MED21: variants seen among roughly 807,000 people sequenced by gnomAD.
The protein encoded by MED21 is mediator of RNA polymerase II transcription subunit 21.
MED21 carries 9 observed loss-of-function variants against 18.2 expected under a neutral mutation model. The observed-to-expected ratio is 0.49, with a 90% confidence interval of 0.30 to 0.86. The LOEUF is 0.86. Ranked by LOEUF, MED21 falls within the 40% of genes least tolerant of loss-of-function variation. The pLI is 0.07. For missense variants in MED21, 150 were observed against 170.9 expected (o/e 0.88, Z 0.68); for synonymous variants, 73 against 60.5 (o/e 1.21, Z -0.96).
intron 2 of MED21, among the ~76,000 whole-genome samples, chr12:27,035,887 C>T (rs925783452): frequency 6.6e-5 from 10 of 151,640 alleles, no homozygotes; most frequent in South Asian, 2.1e-4. Context: ...TGAATAGTGC[C>T]GCAATAGACA....
intron 1 of MED21, among the ~76,000 whole-genome samples, chr12:27,023,489 G>T (rs1941504094): frequency 6.6e-6 from 1 of 151,714 alleles, no homozygotes; most frequent in Non-Finnish European, 1.5e-5. Context: ...TAGAGACGGG[G>T]TTTCACCATG....
At chr12:27,034,049 A>C (rs1345109110), downstream of MED21, among the ~76,000 whole-genome samples, 1 of 152,210 alleles carries the variant, frequency 6.6e-6, no homozygotes, top group Non-Finnish European at 1.5e-5. Flanking sequence ...AAGAGTTTTG[A>C]CTATTGATTG....
intron 2 of MED21, chr12:27,038,515 A>T (rs1325679040): frequency 6.6e-6 from 1 of 152,176 alleles, no homozygotes; most frequent in African/African-American, 2.4e-5. Flanking sequence ...CTAAGATTCC[A>T]ATTGGGATTT....
Position 27,037,348 on chromosome 12 carries a change from A to G in MED21, n.147-8806A>G, listed in dbSNP as rs888890743. ...GCTTAAGGAGATTTTGGGCTGAGAC[A>G]ATGGGGTTTTCTATACATACAGTCA... On this transcript the variant is annotated intron_variant and non_coding_transcript_variant, in intron 2 of 4. Coordinates refer to the MED21 transcript ENST00000538186. The G allele has an allele frequency of 3.6e-3, 543 of 151,894 alleles. 2 individuals carry two copies. Among genetic ancestry groups the G allele is most frequent in the African/African-American group, 0.012 (499 of 41,372 alleles). The allele number at this position is 151,894 out of a possible 1,614,324, so 9.4% of individuals were successfully genotyped here. A position where few individuals can be genotyped will look rare whatever the true frequency, so the allele number is the denominator to read the frequency against.
At chr12:27,031,599 G>A (rs540285864), downstream of MED21, among the ~76,000 whole-genome samples, 7 of 151,836 alleles carry the variant, frequency 4.6e-5, no homozygotes, top group East Asian at 1.4e-3. Flanking sequence ...TCAGATCAGA[G>A]AACAAATTCC....
chr12:27,027,788 G>T lies in MED21; in HGVS notation c.258+341G>T, dbSNP rs116735373. The stretch of plus-strand genomic sequence containing the variant: ...TCTTCAACCTCAAGCCATATTTTAA[G>T]GGTACTAATTCCATCTATGAGATCT... On this transcript the variant is annotated intron_variant, in intron 3 of 3. Transcript: ENST00000282892. 1.5e-3 allele frequency among the ~76,000 whole-genome samples: 223 copies of T among 152,248 alleles called. 1 individual carries two copies. The highest frequency in any genetic ancestry group is 4.7e-3 in the African/African-American group (195 of 41,548).
At chr12:27,022,879 C>T (rs573736811) in intron 1 of MED21, 2 of 1,403,608 alleles carry the variant, frequency 1.4e-6, no homozygotes, top group East Asian at 3.1e-5. Flanking sequence ...CGGGTGAGGC[C>T]GCCAGGACTT....
At chr12:27,034,302 A>G (rs1335105658), downstream of MED21, among the ~76,000 whole-genome samples, 2 of 152,032 alleles carry the variant, frequency 1.3e-5, no homozygotes, top group Non-Finnish European at 2.9e-5. Context: ...CTGTAATCCA[A>G]TCCCAGCTAC....
downstream of MED21, among the ~76,000 whole-genome samples, chr12:27,034,141 C>T (rs928346581): frequency 3.3e-5 from 5 of 152,270 alleles, no homozygotes; most frequent in Non-Finnish European, 7.4e-5. Flanking sequence ...ATTTGGCTAA[C>T]GCAGTGACTC....
chr12:27,037,369 A>C (rs544667122), intron 2 of MED21: 7 of 151,794 alleles, frequency 4.6e-5, no homozygotes, highest in Admixed American at 3.9e-4. Context: ...CTATACATAC[A>C]GTCATGTCGT....
chr12:27,026,506 C>A lies in MED21; in HGVS notation c.129C>A (p.Asn43Lys). The change falls in exon 2 of 4, where the codon AAC becomes AAA. Residue 43 changes from asparagine to lysine, a missense_variant. Physicochemically the swap from Asn to Lys is moderately conservative, Grantham distance 94. Transcript: ENST00000282892. ...TCAATAATATTCAGACAGCAATTAA[C>A]AAAGACCAGCCAGCTAACCCTACAG... ...ASFNNIQTAI[N>K]KDQPANPTEE... 1 of 1,613,660 alleles carries A rather than the reference C, an allele frequency of 6.2e-7. No homozygotes were observed. The highest frequency in any genetic ancestry group is 8.5e-7 in the Non-Finnish European group (1 of 1,179,676).
chr12:27,030,138 C>A lies in MED21; in HGVS notation c.*1677C>A, dbSNP rs903142629. 1 of 638,376 alleles carries A rather than the reference C, an allele frequency of 1.6e-6. No homozygotes were observed. The highest frequency in any genetic ancestry group is 2.4e-5 in the Admixed American group (1 of 41,902). 39.5% of individuals were successfully genotyped at this position (638,376 alleles called of 1,614,324 possible). A position where few individuals can be genotyped will look rare whatever the true frequency, so the allele number is the denominator to read the frequency against. The stretch of plus-strand genomic sequence containing the variant: ...GGATATACAGTTTTTTTTTGTTGTT[C>A]TTGTTTCTGTTTTTTTAAGGTGAAG... On this transcript the variant is annotated 3_prime_UTR_variant, in exon 4 of 4. Coordinates refer to ENST00000282892, the MANE Select transcript of MED21 (RefSeq NM_004264.5).
chr12:27,023,300 CTTT>C lies in MED21; in HGVS notation c.42+694_42+696del, dbSNP rs71437317. On this transcript the variant is annotated intron_variant, in intron 1 of 3. Transcript: ENST00000282892. ...CGCTTATTTGAGTCTTTTTTCTTTT[CTTT>C]TTTTTTTTTTTTTTACTTTGGAGAC... is the stretch of plus-strand genomic sequence containing the variant. 1.4e-4 allele frequency among the ~76,000 whole-genome samples: 15 copies of C among 110,404 alleles called. No individual in the cohort carries two copies. The East Asian group carries it at 1.9e-3, about 14-fold the overall frequency. 72.4% of individuals were successfully genotyped at this position (110,404 alleles called of 152,430 possible). A position where few individuals can be genotyped will look rare whatever the true frequency, so the allele number is the denominator to read the frequency against.
At chr12:27,024,711 T>C (rs1941520865) in intron 1 of MED21, among the ~76,000 whole-genome samples, 1 of 152,222 alleles carries the variant, frequency 6.6e-6, no homozygotes, top group Admixed American at 6.5e-5. Context: ...GGATAACTAG[T>C]ATGAGTGCCT....
In MED21 at chr12:27,030,147, G is replaced by T. The variant is rs565621305; in HGVS notation, c.*1686G>T. 590 of 655,146 alleles carry T rather than the reference G, an allele frequency of 9.0e-4. 4 individuals are homozygous for T. The African/African-American group carries it at 9.4e-3, about 10-fold the overall frequency. 40.6% of individuals were successfully genotyped at this position (655,146 alleles called of 1,614,324 possible). On this transcript the variant is annotated 3_prime_UTR_variant, in exon 4 of 4. Transcript: ENST00000282892. ...GTTTTTTTTTGTTGTTCTTGTTTCT[G>T]TTTTTTTAAGGTGAAGTCTCTGTCA...
chr12:27,023,548 C>T (rs1941504986), intron 1 of MED21, among the ~76,000 whole-genome samples: 1 of 152,046 alleles, frequency 6.6e-6, no homozygotes, highest in Non-Finnish European at 1.5e-5. Flanking sequence ...CCTCCCGCCT[C>T]GGCCTCCCAT....
In MED21 at chr12:27,027,372, G is replaced by T; in HGVS notation, c.183G>T (p.Leu61=). Residue 61 remains leucine, a synonymous_variant, in exon 3 of 4, where the codon CTG becomes CTT. Transcript: ENST00000282892. ...TEEYAQLFAA[L]IARTAKDIDV... ...AGTATGCCCAGCTTTTTGCAGCACTGATTGCACGAACAGCAAAAGACATTG... is the reference window on the plus strand; with the variant it reads ...AGTATGCCCAGCTTTTTGCAGCACTTATTGCACGAACAGCAAAAGACATTG... 1 of 1,613,630 alleles carries T rather than the reference G, an allele frequency of 6.2e-7. No individual in the cohort carries two copies.
At position 27,028,321 on chromosome 12, in the gene MED21, G is replaced by GA. The variant is rs1168116505; in HGVS notation, c.297dup (p.Ala100SerfsTer25). 6.2e-7 allele frequency: 1 copy of GA among 1,614,082 alleles called. No individual in the cohort carries two copies. The highest frequency in any genetic ancestry group is 1.7e-5 in the Admixed American group (1 of 60,018). On this transcript the variant is annotated frameshift_variant, in exon 4 of 4. Transcript: ENST00000282892. LOFTEE classifies it high-confidence loss of function. ...GTATAAGCTAGAAGAAGAAAACCAT[G>GA]AAGCTGCTACATGTCTGGAGGATGT...
Position 27,029,054 on chromosome 12 carries a change from A to G in MED21, c.*593A>G, listed in dbSNP as rs970124245. On this transcript the variant is annotated 3_prime_UTR_variant, in exon 4 of 4. Transcript: ENST00000282892. ...GTTCATCTCCACGTTTATTTTACCA[A>G]GAGATCCTCTGTCAAGAGAATTTCC... 4.1e-6 allele frequency: 4 copies of G among 985,298 alleles called. No homozygotes were observed. The African/African-American group carries it at 5.2e-5, about 13-fold the overall frequency. The allele number at this position is 985,298 out of a possible 1,614,324, so 61.0% of individuals were successfully genotyped here.
Sources: gnomAD v4.1 joint callset for allele counts (sites outside exome capture counted in the v4.1 genomes callset) on GRCh38, gnomAD v4.1.1 for gene constraint, MANE v1.5 for transcripts, NCBI Gene and HGNC (gene_info 2026-07-23, HGNC 2026-07-21) for gene names.